The following AKR1C4 variants were observed in gnomAD, a reference collection of about 807,000 sequenced individuals.
AKR1C4 encodes aldo-keto reductase family 1 member C4, also known as 3-alpha-HSD1.
Under a neutral mutation model 41.0 loss-of-function variants are expected in AKR1C4, and 44 were observed. That is an observed-to-expected ratio of 1.07 (90% CI 0.84 to 1.38). The LOEUF (loss-of-function observed/expected upper bound fraction) is 1.38, where lower values mean the gene tolerates loss of function less well. Among genes scored for constraint, AKR1C4 ranks in the 40% most tolerant of loss-of-function variants. AKR1C4 has a pLI of 0.00. For missense variants in AKR1C4, 438 were observed against 387.9 expected (o/e 1.13, Z -1.09); for synonymous variants, 165 against 137.7 (o/e 1.20, Z -1.39).
chr10:5,218,754 A>G lies in AKR1C4; in HGVS notation c.966A>G (p.Glu322=). 2 of 1,604,532 alleles carry G rather than the reference A, an allele frequency of 1.2e-6. No homozygotes were observed. Among genetic ancestry groups the G allele is most frequent in the Non-Finnish European group, 1.7e-6 (2 of 1,171,310 alleles). The change falls in exon 9 of 9, where the codon GAA becomes GAG. Residue 322 remains glutamate (E), a synonymous_variant. Transcript: ENST00000263126. ...MDHPDYPFSD[E]Y is the part of the protein sequence containing the mutation. Reference sequence around the variant, plus strand: ...ATCCTGATTATCCATTTTCAGATGAATATTAGCATAGAGGGTGTTGCACGA... The same window carrying G: ...ATCCTGATTATCCATTTTCAGATGAGTATTAGCATAGAGGGTGTTGCACGA...
At chr10:5,214,777 T>C (rs1554798330) in intron 7 of AKR1C4, among the ~76,000 whole-genome samples, 1 of 149,156 alleles carries the variant, frequency 6.7e-6, no homozygotes, top group Non-Finnish European at 1.5e-5. Flanking sequence ...ATGACATTTT[T>C]ATTCTTTTCC....
chr10:5,216,566 G>C (rs1554798523), intron 7 of AKR1C4, 145 bp from the exon 8 acceptor site: 2 of 586,788 alleles, frequency 3.4e-6, no homozygotes, highest in Non-Finnish European at 3.0e-6. Flanking sequence ...AATCACTTGA[G>C]AGTTTAGAGA....
At position 5,205,800 on chromosome 10, in the gene AKR1C4, T is replaced by C. The variant is rs782043010; in HGVS notation, c.413T>C (p.Ile138Thr). 6.2e-7 allele frequency: 1 copy of C among 1,613,510 alleles called. No individual in the cohort carries two copies. The highest frequency in any genetic ancestry group is 1.1e-5 in the South Asian group (1 of 91,020). Residue 138 changes from isoleucine to threonine, a missense_variant, in exon 4 of 9, where the codon ATA becomes ACA. Coordinates refer to ENST00000263126, the MANE Select transcript of AKR1C4 (RefSeq NM_001818.5). ...PLPKDENGKV[I>T]FDTVDLSATW... ...CCAAAAGATGAAAATGGAAAAGTAA[T>C]ATTCGACACAGTGGATCTCTCTGCC...
chr10:5,218,864 C>A lies in AKR1C4; in HGVS notation c.*104C>A. On this transcript the variant is annotated 3_prime_UTR_variant, in exon 9 of 9. Transcript: ENST00000263126. ...CTGGACACACAGCCTCTGGTTAAAT[C>A]CCTCCCCTCCTGCTTGGCAACTTCA... 2 of 1,074,570 alleles carry A rather than the reference C, an allele frequency of 1.9e-6. No homozygotes were observed. Among genetic ancestry groups the A allele is most frequent in the South Asian group, 1.5e-5 (1 of 65,014 alleles). The allele number at this position is 1,074,570 out of a possible 1,614,324, so 66.6% of individuals were successfully genotyped here. A position where few individuals can be genotyped will look rare whatever the true frequency, so the allele number is the denominator to read the frequency against.
chr10:5,216,520 T>C (rs1484105777), intron 7 of AKR1C4, among the ~76,000 whole-genome samples, 191 bp from the exon 8 acceptor site: 1 of 152,228 alleles, frequency 6.6e-6, no homozygotes, highest in African/African-American at 2.4e-5. Flanking sequence ...ATATGTAATA[T>C]CTAGGAATAG....
chr10:5,206,925 T>C (rs1387862941), intron 5 of AKR1C4, among the ~76,000 whole-genome samples: 2 of 152,120 alleles, frequency 1.3e-5, no homozygotes, highest in Non-Finnish European at 2.9e-5. Context: ...CTGGAAACAA[T>C]GAAAGTCATC....
chr10:5,204,453 A>C lies in AKR1C4; in HGVS notation c.329A>C (p.Tyr110Ser). The C allele has an allele frequency of 6.2e-7, 1 of 1,613,816 alleles. No homozygotes were observed. The highest frequency in any genetic ancestry group is 8.5e-7 in the Non-Finnish European group (1 of 1,179,728). ...ESSLKKLQLD[Y>S]VDLYLLHFPM... Reference sequence around the variant, plus strand: ...TCACTGAAAAAACTTCAACTGGACTATGTTGACCTCTATCTTCTTCATTTC... The same window carrying C: ...TCACTGAAAAAACTTCAACTGGACTCTGTTGACCTCTATCTTCTTCATTTC... The change falls in exon 3 of 9, where the codon TAT (tyrosine) becomes TCT (serine). Residue 110 changes from tyrosine to serine, a missense_variant. Tyr to Ser is a moderately radical substitution (Grantham distance 144). Coordinates refer to ENST00000263126, the MANE Select transcript of AKR1C4 (RefSeq NM_001818.5).
chr10:5,198,172 A>C (rs1554796517), intron 1 of AKR1C4, among the ~76,000 whole-genome samples: 1 of 152,196 alleles, frequency 6.6e-6, no homozygotes, highest in Non-Finnish European at 1.5e-5. Context: ...GTACCTTACT[A>C]ATCTCTCACA....
chr10:5,197,100 G>A, intron 1 of AKR1C4, 149 bp downstream of exon 1: 1 of 744,870 alleles, frequency 1.3e-6, no homozygotes, highest in South Asian at 1.6e-5. Context: ...TATGTTCAAA[G>A]AGAAAAGGTA....
intron 1 of AKR1C4, among the ~76,000 whole-genome samples, chr10:5,198,677 T>C (rs1832350692): frequency 6.6e-6 from 1 of 152,172 alleles, no homozygotes; most frequent in Non-Finnish European, 1.5e-5. Context: ...ATTTCTTCCA[T>C]GTGCCTTTTT....
intron 5 of AKR1C4, among the ~76,000 whole-genome samples, chr10:5,209,688 C>T (rs1039438625): frequency 1.3e-5 from 2 of 152,134 alleles, no homozygotes; most frequent in African/African-American, 4.8e-5. Flanking sequence ...TGCAGGAAAT[C>T]TCCTCCTTAT....
At chr10:5,199,760 C>G (rs1336939926) in intron 1 of AKR1C4, among the ~76,000 whole-genome samples, 1 of 152,152 alleles carries the variant, frequency 6.6e-6, no homozygotes, top group Non-Finnish European at 1.5e-5. Context: ...TACCTCCACT[C>G]AATGAAACCC....
chr10:5,202,939 TTGTG>T (rs57414547), intron 2 of AKR1C4, among the ~76,000 whole-genome samples: 7,824 of 139,128 alleles, frequency 0.056, 239 homozygotes, highest in African/African-American at 0.07. Context: ...TAGTTTTCTT[TTGTG>T]TGTGTGTGTG....
rs187430338 is a variant in AKR1C4 at position 5,197,062 on chromosome 10, G to T, written c.84+111G>T. 1.7e-4 allele frequency: 175 copies of T among 1,047,576 alleles called. 1 individual carries two copies. In the African/African-American group the frequency reaches 2.2e-3, roughly 13 times the overall value. The allele number at this position is 1,047,576 out of a possible 1,614,324, so 64.9% of individuals were successfully genotyped here. On this transcript the variant is annotated intron_variant, in intron 1 of 8. Coordinates refer to ENST00000263126, the MANE Select transcript of AKR1C4 (RefSeq NM_001818.5). ...TTCTGTTACCCTGAGTGACTCACGT[G>T]GTCTGTCTTACTGGGCTAGAGCTAT...
intron 1 of AKR1C4, 122 bp from the exon 2 acceptor site, chr10:5,200,059 G>C: frequency 2.4e-6 from 3 of 1,269,096 alleles, no homozygotes; most frequent in Non-Finnish European, 3.3e-6. Flanking sequence ...TCTGAGCAGC[G>C]GGGGCCTGAA....
At position 5,204,404 on chromosome 10, in the gene AKR1C4, A is replaced by T. The variant is rs367596754; in HGVS notation, c.280A>T (p.Met94Leu). Residue 94 changes from methionine (M) to leucine (L), a missense_variant, in exon 3 of 9, where the codon ATG (methionine) becomes TTG (leucine). Transcript: ENST00000263126. ...KLWCTFFQPQ[M>L]VQPALESSLK... ...TTGGTGCACTTTCTTTCAACCACAG[A>T]TGGTCCAACCAGCCTTGGAAAGCTC... is the stretch of plus-strand genomic sequence containing the variant. The T allele has an allele frequency of 1.1e-5, 17 of 1,613,828 alleles. No individual in the cohort carries two copies. In the African/African-American group the frequency reaches 2.0e-4, roughly 19 times the overall value.
At chr10:5,213,412 A>G (rs1344080104) in intron 7 of AKR1C4, among the ~76,000 whole-genome samples, 1 of 152,194 alleles carries the variant, frequency 6.6e-6, no homozygotes, top group Non-Finnish European at 1.5e-5. Flanking sequence ...TCCCTCTGCT[A>G]GGGACATCAC....
chr10:5,212,776 T>C (rs782294342), intron 6 of AKR1C4, 51 bp downstream of exon 6: 1 of 1,575,846 alleles, frequency 6.3e-7, no homozygotes, highest in Non-Finnish European at 8.7e-7. Context: ...GATGAAAAAT[T>C]TTAGTTATAG....
At chr10:5,212,193 A>C (rs1487191152) in intron 5 of AKR1C4, among the ~76,000 whole-genome samples, 1 of 152,218 alleles carries the variant, frequency 6.6e-6, no homozygotes, top group Non-Finnish European at 1.5e-5. Context: ...AATTCATTTT[A>C]TTCATTGTTG....
Sources: allele counts gnomAD v4.1 joint callset (sites outside exome capture counted in the v4.1 genomes callset), GRCh38; gene constraint gnomAD v4.1.1; transcripts MANE v1.5; gene names NCBI Gene and HGNC (gene_info 2026-07-23, HGNC 2026-07-21).